The following AIG1 variants were observed in gnomAD, a reference collection of about 807,000 sequenced individuals.
AIG1 encodes androgen induced 1.
Under a neutral mutation model 31.4 loss-of-function variants are expected in AIG1, and 23 were observed. The observed-to-expected ratio is 0.73, with a 90% CI of 0.53 to 1.04. The LOEUF (loss-of-function observed/expected upper bound fraction) is 1.04. Ranked by LOEUF, AIG1 falls within the 50% of genes least tolerant of loss-of-function variation. The pLI, the probability that AIG1 is intolerant of heterozygous loss-of-function variation, is 0.00. For missense variants in AIG1, 274 were observed against 295.0 expected (o/e 0.93, Z 0.52); for synonymous variants, 100 against 110.5 (o/e 0.90, Z 0.60).
chr6:143,118,157 G>A (rs915602731), intron 1 of AIG1, among the ~76,000 whole-genome samples: 2 of 152,018 alleles, frequency 1.3e-5, no homozygotes, highest in African/African-American at 4.8e-5. Flanking sequence ...AGTGGCTCAC[G>A]CCCGGTGAGC....
intron 4 of AIG1, among the ~76,000 whole-genome samples, chr6:143,308,543 T>A (rs1472505277): frequency 6.6e-6 from 1 of 152,208 alleles, no homozygotes; most frequent in Non-Finnish European, 1.5e-5. Context: ...AATTGATTAT[T>A]TGAGTTCATA....
intron 1 of AIG1, among the ~76,000 whole-genome samples, chr6:143,123,394 G>C (rs1782402418): frequency 6.6e-6 from 1 of 152,172 alleles, no homozygotes; most frequent in South Asian, 2.1e-4. Flanking sequence ...GATTGAGATA[G>C]AGTCAGGCAG....
At chr6:143,159,019 A>G (rs1388121743) in intron 2 of AIG1, among the ~76,000 whole-genome samples, 1 of 152,210 alleles carries the variant, frequency 6.6e-6, no homozygotes, top group African/African-American at 2.4e-5. Context: ...CAGCAACAAT[A>G]GCAAGAGCCT....
intron 3 of AIG1, among the ~76,000 whole-genome samples, chr6:143,221,352 A>G (rs1214131601): frequency 6.6e-6 from 1 of 152,026 alleles, no homozygotes; most frequent in South Asian, 2.1e-4. Flanking sequence ...CCAAGGCCCA[A>G]TACAAACCTG....
intron 3 of AIG1, among the ~76,000 whole-genome samples, chr6:143,213,706 A>C (rs1791778315): frequency 6.8e-6 from 1 of 147,546 alleles, no homozygotes; most frequent in South Asian, 2.1e-4. Context: ...TAGTAGAGAC[A>C]GGGTTTCACC....
At chr6:143,072,273 T>A (rs541670213) in intron 1 of AIG1, among the ~76,000 whole-genome samples, 3 of 152,358 alleles carry the variant, frequency 2.0e-5, no homozygotes, top group South Asian at 4.1e-4. Context: ...TGACCTTATG[T>A]CCTGGTGATT....
intron 3 of AIG1, among the ~76,000 whole-genome samples, chr6:143,243,521 G>A (rs1191745491): frequency 2.0e-5 from 3 of 152,088 alleles, no homozygotes; most frequent in African/African-American, 7.2e-5. Flanking sequence ...ACCCAATAAA[G>A]TATCATAGAC....
intron 3 of AIG1, among the ~76,000 whole-genome samples, chr6:143,216,281 G>A (rs1001833633): frequency 4.6e-5 from 7 of 152,074 alleles, no homozygotes; most frequent in Admixed American, 6.5e-5. Flanking sequence ...GATGATCGAG[G>A]GCTTTTCTAA....
At chr6:143,317,199 A>G (rs1287127041) in intron 4 of AIG1, among the ~76,000 whole-genome samples, 1 of 152,126 alleles carries the variant, frequency 6.6e-6, no homozygotes, top group African/African-American at 2.4e-5. Flanking sequence ...AGGAAAGGAC[A>G]TAACAACAAA....
intron 3 of AIG1, among the ~76,000 whole-genome samples, chr6:143,252,884 A>G (rs1263634562): frequency 1.3e-5 from 2 of 152,184 alleles, no homozygotes; most frequent in Admixed American, 6.5e-5. Context: ...CCAAGTGCAC[A>G]TGGCTGTTGG....
chr6:143,261,576 C>CA (rs71795469), intron 3 of AIG1, among the ~76,000 whole-genome samples: 3 of 152,020 alleles, frequency 2.0e-5, no homozygotes, highest in African/African-American at 4.8e-5. Context: ...ATTTATGTGG[C>CA]AAAAAAATCT....
At chr6:143,253,792 A>G (rs752652731) in intron 3 of AIG1, among the ~76,000 whole-genome samples, 2 of 152,224 alleles carry the variant, frequency 1.3e-5, no homozygotes, top group African/African-American at 2.4e-5. Context: ...TTCCACTCCA[A>G]CAACACTTAA....
intron 2 of AIG1, among the ~76,000 whole-genome samples, chr6:143,160,051 T>C (rs950610387): frequency 2.0e-5 from 3 of 152,176 alleles, no homozygotes; most frequent in South Asian, 2.1e-4. Context: ...TATCAGAATA[T>C]ATATAGGATT....
chr6:143,111,410 A>T (rs768779029), intron 1 of AIG1, among the ~76,000 whole-genome samples: 4 of 152,108 alleles, frequency 2.6e-5, no homozygotes, highest in Non-Finnish European at 5.9e-5. Context: ...GGCTTTCTTG[A>T]TATTTATTCT....
intron 3 of AIG1, among the ~76,000 whole-genome samples, chr6:143,277,986 C>T (rs1797066249): frequency 6.6e-6 from 1 of 152,226 alleles, no homozygotes; most frequent in South Asian, 2.1e-4. Context: ...CATCATGCAG[C>T]ATAATTTTTG....
At chr6:143,250,952 G>A (rs1676791695) in intron 3 of AIG1, among the ~76,000 whole-genome samples, 1 of 152,178 alleles carries the variant, frequency 6.6e-6, no homozygotes, top group Non-Finnish European at 1.5e-5. Context: ...GCTGGAAGAG[G>A]CAATCAAGAA....
At chr6:143,324,470 A>G (rs1776450812) in intron 4 of AIG1, among the ~76,000 whole-genome samples, 1 of 152,192 alleles carries the variant, frequency 6.6e-6, no homozygotes. Flanking sequence ...CAAAACATTA[A>G]AAGAAAAGCT....
chr6:143,320,941 C>G (rs1776161108), intron 4 of AIG1, among the ~76,000 whole-genome samples: 1 of 151,936 alleles, frequency 6.6e-6, no homozygotes, highest in Non-Finnish European at 1.5e-5. Flanking sequence ...CCTGCCTCAG[C>G]CTCCCAAGTA....
In AIG1 at chr6:143,340,495, C is replaced by G. The variant is rs1242520564; in HGVS notation, c.*819C>G. Among the ~76,000 whole-genome samples the G allele has an allele frequency of 6.6e-6, 1 of 151,640 alleles. No individual in the cohort carries two copies. The highest frequency in any genetic ancestry group is 2.4e-5 in the African/African-American group (1 of 41,176). On this transcript the variant is annotated 3_prime_UTR_variant, in exon 6 of 6. Coordinates refer to ENST00000357847, the MANE Select transcript of AIG1 (RefSeq NM_016108.4). The stretch of plus-strand genomic sequence containing the variant: ...CTTTTTTTCCAGATGGAGTCTCACT[C>G]TGTCGCCCAGGCTGGAGTACAGTGG...
Sources: allele counts gnomAD v4.1 joint callset (sites outside exome capture counted in the v4.1 genomes callset), GRCh38; gene constraint gnomAD v4.1.1; transcripts MANE v1.5; gene names NCBI Gene and HGNC (gene_info 2026-07-23, HGNC 2026-07-21).